MYH7: variants seen among roughly 807,000 people sequenced by gnomAD.
MYH7 encodes the protein myosin heavy chain 7, also known as myosin-7.
MYH7 carries 129 observed loss-of-function variants against 225.4 expected under a neutral mutation model. The ratio of observed to expected loss-of-function variants is 0.57; its 90% CI spans 0.50 to 0.66. The LOEUF (loss-of-function observed/expected upper bound fraction) is 0.66, where lower values mean the gene tolerates loss of function less well. Ranked by LOEUF, MYH7 falls within the 30% of genes least tolerant of loss-of-function variation. The probability of loss-of-function intolerance (pLI) is 0.00; values close to 1 mark genes in which losing one functional copy is unlikely to be tolerated. For missense variants in MYH7, 1,649 were observed against 2,517.0 expected (o/e 0.66, Z 7.38); for synonymous variants, 971 against 1,007.6 (o/e 0.96, Z 0.69).
chr14:23,422,722 C>A (rs2138660469), intron 24 of MYH7, among the ~76,000 whole-genome samples: 1 of 151,584 alleles, frequency 6.6e-6, no homozygotes, highest in Non-Finnish European at 1.5e-5. Context: ...CCTCCGCCTC[C>A]CTGGTTCAAG....
chr14:23,422,135 T>C (rs564726911), intron 25 of MYH7, 45 bp downstream of exon 25: 2 of 1,611,552 alleles, frequency 1.2e-6, no homozygotes, highest in Admixed American at 1.7e-5. Flanking sequence ...CTTGTACTGT[T>C]ATGGGCTGGG....
chr14:23,428,250 C>A (rs1892776137), intron 15 of MYH7, among the ~76,000 whole-genome samples: 1 of 152,176 alleles, frequency 6.6e-6, no homozygotes, highest in African/African-American at 2.4e-5. Flanking sequence ...AATAAACATG[C>A]AGGTGTGGGA....
intron 14 of MYH7, 66 bp from the exon 15 acceptor site, chr14:23,428,736 C>G (rs368941556): frequency 4.3e-5 from 70 of 1,611,068 alleles, no homozygotes; most frequent in Non-Finnish European, 5.5e-5. Flanking sequence ...GGGCTGTGCC[C>G]GTCCACTGTG....
chr14:23,412,758 G>T lies in MYH7; in HGVS notation c.*96C>A. 1 of 1,445,186 alleles carries T rather than the reference G, an allele frequency of 6.9e-7. No homozygotes were observed. The highest frequency in any genetic ancestry group is 9.7e-7 in the Non-Finnish European group (1 of 1,029,578). 89.5% of individuals were successfully genotyped at this position (1,445,186 alleles called of 1,614,324 possible). On this transcript the variant is annotated 3_prime_UTR_variant, in exon 40 of 40. Transcript: ENST00000355349. ...CAGGATCTCGGCTTCAAGGAAAATT[G>T]CTTTATTCTGCTTCCTCCCAAGGAG...
At chr14:23,417,459 C>A in intron 31 of MYH7, 44 bp downstream of exon 31, 2 of 1,612,242 alleles carry the variant, frequency 1.2e-6, no homozygotes, top group Non-Finnish European at 1.7e-6. Flanking sequence ...CCCCTCATGC[C>A]CCCTTGCCCT....
chr14:23,417,670 G>T lies in MYH7; in HGVS notation c.4186C>A (p.Arg1396=), dbSNP rs730880793. 6.2e-7 allele frequency: 1 copy of T among 1,612,934 alleles called. No individual in the cohort carries two copies. Among genetic ancestry groups the T allele is most frequent in the East Asian group, 2.2e-5 (1 of 44,884 alleles). ...ACGGCCTCCTCAGCTTCCTGCAGCC[G>T]CTGGGCCAGCTTCTTCCTGCCCAGG... The part of the protein sequence containing the change: ...LEEAKKKLAQ[R]LQEAEEAVEA... The change falls in exon 31 of 40, where the codon CGG becomes AGG. Residue 1396 remains arginine, a synonymous_variant. Transcript: ENST00000355349.
rs200000290 is a variant in MYH7, at chr14:23,419,535, C to G, written c.3801G>C (p.Gln1267His). 1.9e-5 allele frequency: 31 copies of G among 1,614,074 alleles called. No homozygotes were observed. In the East Asian group the frequency reaches 5.1e-4, roughly 27 times the overall value. ...GGCTGGTGAGGTCGTTGACAGAACG[C>G]TGGGTCTCCTCCGCCTTGCTCCGGT... is the stretch of plus-strand genomic sequence containing the variant. ...NEHRSKAEET[Q>H]RSVNDLTSQR... The change falls in exon 28 of 40, where the codon CAG becomes CAC. Residue 1267 changes from glutamine (Q) to histidine (H), a missense_variant. Physicochemically the swap from Gln to His is conservative, Grantham distance 24. Coordinates refer to ENST00000355349, the MANE Select transcript of MYH7 (RefSeq NM_000257.4).
In MYH7 at chr14:23,425,764, C is replaced by T. The variant is rs727504429; in HGVS notation, c.2217G>A (p.Arg739=). The T allele has an allele frequency of 1.3e-5, 21 of 1,614,016 alleles. No individual in the cohort carries two copies. Among genetic ancestry groups the T allele is most frequent in the Non-Finnish European group, 1.7e-5 (20 of 1,179,866 alleles). Residue 739 remains arginine, a synonymous_variant, in exon 20 of 40, where the codon AGG becomes AGA. Transcript: ENST00000355349. This position sits in a 1 kb window ranked among gnomAD's most constrained non-coding sequence, Gnocchi z 4.6. ...AGCTGAGCAGCTTCTCTGCCCCCTTCCTGCTATCAATGAACTGTCCCTCAG... is the reference window on the plus strand; with the variant it reads ...AGCTGAGCAGCTTCTCTGCCCCCTTTCTGCTATCAATGAACTGTCCCTCAG... ...AIPEGQFIDS[R]KGAEKLLSSL...
rs397516135 is a variant in MYH7 at position 23,425,813 on chromosome 14, C to T, written c.2168G>A (p.Arg723His). 2.5e-6 allele frequency: 4 copies of T among 1,613,814 alleles called. No individual in the cohort carries two copies. Among genetic ancestry groups the T allele is most frequent in the Non-Finnish European group, 3.4e-6 (4 of 1,179,880 alleles). The change falls in exon 20 of 40, where the codon CGC (arginine) becomes CAC (histidine). Residue 723 changes from arginine (R) to histidine (H), a missense_variant. Around this residue, in one of 12 missense-constraint regions of MYH7, gnomAD observed 41 missense variants for 124.8 expected, o/e 0.33. Transcript: ENST00000355349. The surrounding 1 kb of genome is among the most constrained non-coding windows in gnomAD (Gnocchi z 4.6). ...AGGGATGGCCGCTGGGTTCAGGATG[C>T]GATACCTGAGGAGGGAAGTGTCCAG... ...ILYGDFRQRY[R>H]ILNPAAIPEG...
intron 25 of MYH7, among the ~76,000 whole-genome samples, chr14:23,421,534 A>G (rs1484740169): frequency 6.6e-6 from 1 of 152,202 alleles, no homozygotes; most frequent in Admixed American, 6.5e-5. Context: ...TGTGCCTGGG[A>G]AGGTATGAAG....
Position 23,425,725 on chromosome 14 carries a change from A to G in MYH7, c.2256T>C (p.Asp752=), listed in dbSNP as rs988373324. The change falls in exon 20 of 40, where the codon GAT becomes GAC. Residue 752 remains aspartate, a synonymous_variant. Coordinates refer to ENST00000355349, the MANE Select transcript of MYH7 (RefSeq NM_000257.4). The surrounding 1 kb of genome is among the most constrained non-coding windows in gnomAD (Gnocchi z 4.6). ...TGTGGCCAAACTTGTACTGGTTGTG[A>G]TCAATGTCCAGGGAGCTGAGCAGCT... ...AEKLLSSLDI[D]HNQYKFGHTK... 6.2e-7 allele frequency: 1 copy of G among 1,613,964 alleles called. No individual in the cohort carries two copies. The highest frequency in any genetic ancestry group is 8.5e-7 in the Non-Finnish European group (1 of 1,179,862).
intron 14 of MYH7, 68 bp from the exon 15 acceptor site, chr14:23,428,738 T>C: frequency 2.5e-6 from 4 of 1,611,300 alleles, no homozygotes; most frequent in Non-Finnish European, 3.4e-6. Context: ...GCTGTGCCCG[T>C]CCACTGTGCC....
chr14:23,418,565 A>AG (rs1269277385), intron 29 of MYH7, among the ~76,000 whole-genome samples, 159 bp from the exon 30 acceptor site: 1 of 152,228 alleles, frequency 6.6e-6, no homozygotes, highest in Non-Finnish European at 1.5e-5. Flanking sequence ...CTGATAACAA[A>AG]GAATGCCAAT....
At position 23,415,662 on chromosome 14, in the gene MYH7, C is replaced by T. The variant is rs869225593; in HGVS notation, c.5124G>A (p.Glu1708=). Residue 1708 remains glutamate, a synonymous_variant, in exon 35 of 40, where the codon GAG becomes GAA. Coordinates refer to ENST00000355349, the MANE Select transcript of MYH7 (RefSeq NM_000257.4). The surrounding 1 kb of genome is among the most constrained non-coding windows in gnomAD (Gnocchi z 6.3). ...GCAGCAGCTGCACCCGCTCACTAGT[C>T]TCAATCAGCTCCTGCTCCGCCAGCT... ...SRKLAEQELI[E]TSERVQLLHS... 6.2e-7 allele frequency: 1 copy of T among 1,614,032 alleles called. No homozygotes were observed. Among genetic ancestry groups the T allele is most frequent in the Non-Finnish European group, 8.5e-7 (1 of 1,180,040 alleles).
chr14:23,428,002 G>T (rs1017807139), intron 15 of MYH7, 108 bp from the exon 16 acceptor site: 2 of 1,401,280 alleles, frequency 1.4e-6, no homozygotes, highest in East Asian at 2.4e-5. Flanking sequence ...TGGGTGTTAA[G>T]GTAGTAGGCT....
chr14:23,432,484 C>T lies in MYH7; in HGVS notation c.525G>A (p.Leu175=). 3 of 1,614,036 alleles carry T rather than the reference C, an allele frequency of 1.9e-6. No individual in the cohort carries two copies. Among genetic ancestry groups the T allele is most frequent in the Non-Finnish European group, 2.5e-6 (3 of 1,180,006 alleles). The change falls in exon 6 of 40, where the codon CTG becomes CTA. Residue 175 remains leucine, a synonymous_variant. Transcript: ENST00000355349. ...MLTDRENQSI[L]ITGESGAGKT... ...ACAGTAGCAGCTACACTCACGTGAT[C>T]AGGATGGACTGGTTTTCTCTGTCTG... is the stretch of plus-strand genomic sequence containing the variant.
intron 1 of MYH7, among the ~76,000 whole-genome samples, chr14:23,435,064 C>A (rs150994803): frequency 1.6e-3 from 246 of 152,236 alleles, no homozygotes; most frequent in African/African-American, 5.6e-3. Flanking sequence ...ACATCCTACA[C>A]CCCCGTGCCT....
chr14:23,413,991 C>T lies in MYH7; in HGVS notation c.5655+16G>A. On this transcript the variant is annotated intron_variant, in intron 38 of 39. Coordinates refer to ENST00000355349, the MANE Select transcript of MYH7 (RefSeq NM_000257.4). ...CTATGCCTCCCCTGGGCCTAGTCCC[C>T]AGCAGGGTCACTCACCGCCTCCTCG... The T allele has an allele frequency of 6.2e-7, 1 of 1,614,168 alleles. No individual in the cohort carries two copies. The highest frequency in any genetic ancestry group is 1.1e-5 in the South Asian group (1 of 91,088).
At chr14:23,414,184 T>G (rs1892090648) in intron 37 of MYH7, 82 bp from the exon 38 acceptor site, 1 of 1,227,210 alleles carries the variant, frequency 8.1e-7, no homozygotes. Context: ...CTGCTTCATC[T>G]GATATCCTGA....
Sources: gnomAD v4.1 joint callset for allele counts (sites outside exome capture counted in the v4.1 genomes callset) on GRCh38, gnomAD v4.1.1 for gene constraint, gnomAD v4.1.1 regional missense constraint, Gnocchi (gnomAD v3.1) non-coding constraint, MANE v1.5 for transcripts, NCBI Gene and HGNC (gene_info 2026-07-23, HGNC 2026-07-21) for gene names.